REPS1: variants seen among roughly 807,000 people sequenced by gnomAD.
REPS1 encodes ralBP1-associated Eps domain-containing protein 1.
Under a neutral mutation model 100.9 loss-of-function variants are expected in REPS1, and 39 were observed. The observed-to-expected ratio is 0.39, with a 90% CI of 0.30 to 0.50. The LOEUF (loss-of-function observed/expected upper bound fraction) is 0.50. Among genes scored for constraint, REPS1 ranks in the 20% least tolerant of loss-of-function variants. The pLI is 0.86. For synonymous variants in REPS1, 324 were observed against 340.3 expected (o/e 0.95, Z 0.53); for missense variants, 821 against 968.5 (o/e 0.85, Z 2.02).
At chr6:138,943,798 T>C (rs930154685) in intron 6 of REPS1, 55 bp downstream of exon 6, 6 of 1,421,186 alleles carry the variant, frequency 4.2e-6, no homozygotes, top group African/African-American at 1.4e-5. Context: ...TTTGATATTA[T>C]GAAATTGAGA....
intron 1 of REPS1, among the ~76,000 whole-genome samples, chr6:138,956,238 G>C (rs939354069): frequency 6.6e-6 from 1 of 152,048 alleles, no homozygotes; most frequent in African/African-American, 2.4e-5. Flanking sequence ...TTAGCTGACA[G>C]AAAATTTCAA....
At position 138,914,800 on chromosome 6, in the gene REPS1, T is replaced by TA. The variant is rs775556031; in HGVS notation, c.1721-40dup. On this transcript the variant is annotated intron_variant, in intron 14 of 19. Transcript: ENST00000450536. ...AAAGTTCTTCTTTTTAGTAACTGTA[T>TA]AATCACTTTGTTAATAGAAGAAATA... 2.0e-6 allele frequency: 3 copies of TA among 1,527,966 alleles called. No individual in the cohort carries two copies. In the South Asian group the frequency reaches 3.5e-5, roughly 18 times the overall value. The allele number at this position is 1,527,966 out of a possible 1,614,324, so 94.7% of individuals were successfully genotyped here. A position where few individuals can be genotyped will look rare whatever the true frequency, so the allele number is the denominator to read the frequency against.
At chr6:138,943,652 C>CT (rs1782413630) in intron 6 of REPS1, 76 bp from the exon 7 acceptor site, 2 of 1,162,482 alleles carry the variant, frequency 1.7e-6, no homozygotes, top group African/African-American at 3.1e-5. Context: ...GAGTCTTAGA[C>CT]TTTTTTAACT....
chr6:138,919,713 T>A (rs1384823727), intron 12 of REPS1, among the ~76,000 whole-genome samples: 3 of 152,250 alleles, frequency 2.0e-5, no homozygotes, highest in Non-Finnish European at 4.4e-5. Flanking sequence ...AGGCCTTCCT[T>A]GACCATCCTA....
In REPS1 at chr6:138,904,520, T is replaced by C. The variant is rs1399471292; in HGVS notation, c.*544A>G. The C allele has an allele frequency of 6.6e-6, 1 of 152,240 alleles. No homozygotes were observed. Among genetic ancestry groups the C allele is most frequent in the African/African-American group, 2.4e-5 (1 of 41,466 alleles). The allele number at this position is 152,240 out of a possible 1,614,324, so 9.4% of individuals were successfully genotyped here. A position where few individuals can be genotyped will look rare whatever the true frequency, so the allele number is the denominator to read the frequency against. ...TGTTTGTATTTGTCACAAGTTGACA[T>C]GTAAAAGAGGCTTCAATGTACCACA... is the stretch of plus-strand genomic sequence containing the variant. On this transcript the variant is annotated 3_prime_UTR_variant, in exon 20 of 20. Transcript: ENST00000450536.
intron 19 of REPS1, 27 bp downstream of exon 19, chr6:138,907,468 A>T: frequency 6.7e-7 from 1 of 1,491,902 alleles, no homozygotes; most frequent in Non-Finnish European, 9.3e-7. Flanking sequence ...GATAAGGAAC[A>T]TTATAAAGAT....
chr6:138,908,214 G>A (rs1201907562), intron 18 of REPS1, among the ~76,000 whole-genome samples: 2 of 148,268 alleles, frequency 1.3e-5, no homozygotes, highest in Non-Finnish European at 3.0e-5. Flanking sequence ...GGAAACATGG[G>A]AAGAATACCT....
intron 1 of REPS1, among the ~76,000 whole-genome samples, chr6:138,986,024 T>C (rs1785239921): frequency 6.6e-6 from 1 of 152,224 alleles, no homozygotes; most frequent in African/African-American, 2.4e-5. Context: ...TCTGACCAGA[T>C]CTCTAAGTCC....
chr6:138,934,622 C>G (rs1300393564), intron 8 of REPS1, among the ~76,000 whole-genome samples: 5 of 152,156 alleles, frequency 3.3e-5, no homozygotes, highest in African/African-American at 1.2e-4. Flanking sequence ...ACCTACACAT[C>G]CTAAATTTCT....
At chr6:138,970,973 TA>T (rs1204562377) in intron 1 of REPS1, among the ~76,000 whole-genome samples, 2 of 152,168 alleles carry the variant, frequency 1.3e-5, no homozygotes, top group Non-Finnish European at 2.9e-5. Flanking sequence ...GAACATTATG[TA>T]GAAAATAACC....
chr6:138,931,450 CTAT>C (rs1781479912), intron 8 of REPS1, among the ~76,000 whole-genome samples: 1 of 152,116 alleles, frequency 6.6e-6, no homozygotes, highest in Non-Finnish European at 1.5e-5. Context: ...GTCCTTTCTG[CTAT>C]TGTTACATGC....
In REPS1 at chr6:138,980,690, G is replaced by A. The variant is rs866270704; in HGVS notation, c.153+6840C>T. ...TTTTTTTTTTGTGGGTGGGGCGGGG[G>A]GGGGGGGGAACGGAGACTTGCTCTG... On this transcript the variant is annotated intron_variant, in intron 1 of 19. Transcript: ENST00000450536. Among the ~76,000 whole-genome samples the A allele has an allele frequency of 1.5e-4, 19 of 123,728 alleles. No homozygotes were observed. The Admixed American group carries it at 1.5e-3, about 10-fold the overall frequency. The allele number at this position is 123,728 out of a possible 152,430, so 81.2% of individuals were successfully genotyped here.
intron 2 of REPS1, among the ~76,000 whole-genome samples, chr6:138,947,445 T>C (rs1197702095): frequency 1.3e-5 from 2 of 152,226 alleles, no homozygotes; most frequent in Non-Finnish European, 1.5e-5. Context: ...AGGGACGCTA[T>C]ACATGAAGAT....
chr6:138,985,789 T>C (rs1785224243), intron 1 of REPS1, among the ~76,000 whole-genome samples: 1 of 152,324 alleles, frequency 6.6e-6, no homozygotes, highest in Middle Eastern at 3.4e-3. Flanking sequence ...GAAGTAAAGA[T>C]TCATTAATGC....
chr6:138,971,902 G>GTTAGCC (rs1272848405), intron 1 of REPS1, among the ~76,000 whole-genome samples: 12 of 152,148 alleles, frequency 7.9e-5, no homozygotes, highest in Non-Finnish European at 1.0e-4. Flanking sequence ...AGCCAAGCAG[G>GTTAGCC]GCTAAGCAAA....
intron 1 of REPS1, among the ~76,000 whole-genome samples, chr6:138,968,701 A>G: frequency 6.6e-6 from 1 of 152,374 alleles, no homozygotes; most frequent in East Asian, 1.9e-4. Flanking sequence ...TTCACTTGAA[A>G]TAGAGATAAA....
chr6:138,912,641 T>G, intron 16 of REPS1, 124 bp downstream of exon 16: 2 of 894,210 alleles, frequency 2.2e-6, no homozygotes, highest in South Asian at 1.4e-5. Flanking sequence ...ATAAAAAAGA[T>G]GAGAAGCACT....
chr6:138,913,182 A>AT (rs1392573785), intron 15 of REPS1, among the ~76,000 whole-genome samples: 2 of 151,966 alleles, frequency 1.3e-5, no homozygotes, highest in East Asian at 1.9e-4. Context: ...ATAAAAAGAT[A>AT]TTTTTTTTCA....
rs762499523 is a variant in REPS1 at position 138,911,298 on chromosome 6, G to A, written c.2045C>T (p.Ala682Val). Residue 682 changes from alanine (A) to valine (V), a missense_variant, in exon 17 of 20, where the codon GCT (alanine) becomes GTT (valine). Physicochemically the swap from Ala to Val is moderately conservative, Grantham distance 64 (BLOSUM62 0). Around this residue, in one of 3 missense-constraint regions of REPS1, gnomAD observed 757 missense variants for 866.4 expected, o/e 0.87. Coordinates refer to ENST00000450536, the MANE Select transcript of REPS1 (RefSeq NM_001286611.2). ...TACCACATTGGCAGGAGCACTAGCA[G>A]CTGTCTTTTCTTCAGTTTTACTATC... is the stretch of plus-strand genomic sequence containing the variant. ...KTDSKTEEKT[A>V]ASAPANVSKG... is the part of the protein sequence containing the mutation. The A allele has an allele frequency of 1.2e-6, 2 of 1,611,412 alleles. No homozygotes were observed.
Sources: gnomAD v4.1 joint callset for allele counts (sites outside exome capture counted in the v4.1 genomes callset) on GRCh38, gnomAD v4.1.1 for gene constraint, gnomAD v4.1.1 regional missense constraint, MANE v1.5 for transcripts, NCBI Gene and HGNC (gene_info 2026-07-23, HGNC 2026-07-21) for gene names.